The following ARRB1 variants were observed in gnomAD, a reference collection of about 807,000 sequenced individuals.
ARRB1 encodes the protein beta-arrestin-1.
A neutral mutation model predicts 56.8 loss-of-function variants in ARRB1; 21 were observed. The ratio of observed to expected loss-of-function variants is 0.37; its 90% CI spans 0.26 to 0.53. The LOEUF (loss-of-function observed/expected upper bound fraction) is 0.53, where lower values mean the gene tolerates loss of function less well. Ranked by LOEUF, ARRB1 falls within the 20% of genes least tolerant of loss-of-function variation. ARRB1 has a pLI of 0.88. For synonymous variants in ARRB1, 210 were observed against 218.6 expected, an observed-to-expected ratio of 0.96 and a Z score of 0.35; for missense variants, 424 against 553.7, an observed-to-expected ratio of 0.77 and a Z score of 2.35.
chr11:75,277,000 C>T (rs948528043), intron 9 of ARRB1, 89 bp from the exon 10 acceptor site: 66 of 1,373,756 alleles, frequency 4.8e-5, no homozygotes, highest in Non-Finnish European at 6.4e-5. Context: ...GGATATTCAG[C>T]CCCAGGCAAT....
chr11:75,333,692 G>A (rs1163987045), intron 1 of ARRB1, among the ~76,000 whole-genome samples: 1 of 152,084 alleles, frequency 6.6e-6, no homozygotes, highest in Admixed American at 6.6e-5. Flanking sequence ...CAAAACCAAG[G>A]TTCAGAAAGA....
At chr11:75,321,204 C>A (rs1947344409) in intron 1 of ARRB1, among the ~76,000 whole-genome samples, 1 of 152,126 alleles carries the variant, frequency 6.6e-6, no homozygotes, top group Admixed American at 6.5e-5. Context: ...TCTGGTATGA[C>A]CTCAGCACGT....
chr11:75,347,650 G>A (rs566960086), intron 1 of ARRB1, among the ~76,000 whole-genome samples: 9 of 152,154 alleles, frequency 5.9e-5, no homozygotes, highest in Non-Finnish European at 1.0e-4. Flanking sequence ...GGCTTTGTGG[G>A]TCAATAGGCC....
At chr11:75,327,560 G>A (rs1278397689) in intron 1 of ARRB1, among the ~76,000 whole-genome samples, 1 of 150,320 alleles carries the variant, frequency 6.7e-6, no homozygotes, top group Admixed American at 6.6e-5. Context: ...GAGCTCAGGA[G>A]TTTGTTTATT....
intron 1 of ARRB1, among the ~76,000 whole-genome samples, chr11:75,295,566 C>A (rs1946721437): frequency 6.6e-6 from 1 of 152,222 alleles, no homozygotes; most frequent in African/African-American, 2.4e-5. Flanking sequence ...CCAGAACAAT[C>A]TCCCTATTTT....
intron 13 of ARRB1, 43 bp from the exon 14 acceptor site, chr11:75,269,002 C>T: frequency 1.3e-6 from 2 of 1,591,596 alleles, no homozygotes; most frequent in Non-Finnish European, 1.7e-6. Flanking sequence ...AGCGGACTCA[C>T]AGGCTGTGAG....
rs534441244 is a variant in ARRB1 at position 75,266,377 on chromosome 11, C to A, written c.1146-103G>T. The A allele has an allele frequency of 3.4e-5, 31 of 907,984 alleles. No individual in the cohort carries two copies. The African/African-American group carries it at 4.9e-4, about 14-fold the overall frequency. 56.2% of individuals were successfully genotyped at this position (907,984 alleles called of 1,614,324 possible). A position where few individuals can be genotyped will look rare whatever the true frequency, so the allele number is the denominator to read the frequency against. Reference sequence around the variant, plus strand: ...GTGACTCAGAGTATGGCTCTGGGGCCGGGGAGAACCACCCTCTCTGAGGTC... The same window carrying A: ...GTGACTCAGAGTATGGCTCTGGGGCAGGGGAGAACCACCCTCTCTGAGGTC... On this transcript the variant is annotated intron_variant, in intron 15 of 15. Transcript: ENST00000420843.
At chr11:75,346,359 G>A (rs1319463039) in intron 1 of ARRB1, among the ~76,000 whole-genome samples, 1 of 152,132 alleles carries the variant, frequency 6.6e-6, no homozygotes, top group Non-Finnish European at 1.5e-5. Context: ...GAGAGCACAG[G>A]GCAGTGGTCT....
chr11:75,323,068 G>C (rs1416836266), intron 1 of ARRB1, among the ~76,000 whole-genome samples: 1 of 152,204 alleles, frequency 6.6e-6, no homozygotes, highest in Non-Finnish European at 1.5e-5. Context: ...AGCAATGAGA[G>C]AGAAAGAGAA....
chr11:75,332,849 C>T (rs913350019), intron 1 of ARRB1, among the ~76,000 whole-genome samples: 10 of 151,906 alleles, frequency 6.6e-5, no homozygotes, highest in Non-Finnish European at 1.5e-4. Flanking sequence ...AAGCTGAGAT[C>T]GCGCCACTGC....
Position 75,287,353 on chromosome 11 carries a change from C to G in ARRB1, c.74G>C (p.Arg25Pro). The change falls in exon 3 of 16, where the codon CGG (arginine) becomes CCG (proline). Residue 25 changes from arginine to proline, a missense_variant. Around this residue, in one of 3 missense-constraint regions of ARRB1, gnomAD observed 301 missense variants for 387.9 expected, o/e 0.78. Transcript: ENST00000420843. ...NGKLTVYLGK[R>P]DFVDHIDLVD... ...GAGGTCGATGTGGTCCACAAAGTCC[C>G]GCTTTCCCAGGTAGACGGTGAGCTG... is the stretch of plus-strand genomic sequence containing the variant. 6.4e-7 allele frequency: 1 copy of G among 1,561,134 alleles called. No individual in the cohort carries two copies. Among genetic ancestry groups the G allele is most frequent in the Non-Finnish European group, 8.7e-7 (1 of 1,152,058 alleles).
Position 75,281,059 on chromosome 11 carries a change from C to G in ARRB1, c.482+16G>C. On this transcript the variant is annotated intron_variant, in intron 7 of 15. Transcript: ENST00000420843. ...CCTCACCCAGCAGGCGGCCCACACC[C>G]TGGCATCCTACTCACCGCTTGTGGA... The G allele has an allele frequency of 1.9e-6, 3 of 1,596,432 alleles. No individual in the cohort carries two copies. Among genetic ancestry groups the G allele is most frequent in the Non-Finnish European group, 2.6e-6 (3 of 1,170,760 alleles).
At chr11:75,294,360 C>T (rs1946676651) in intron 1 of ARRB1, among the ~76,000 whole-genome samples, 1 of 152,006 alleles carries the variant, frequency 6.6e-6, no homozygotes, top group Admixed American at 6.6e-5. Flanking sequence ...AGTTCAAGAC[C>T]AGCCTGGTCA....
At chr11:75,288,152 C>T (rs1386605937) in intron 2 of ARRB1, among the ~76,000 whole-genome samples, 4 of 152,050 alleles carry the variant, frequency 2.6e-5, no homozygotes, top group South Asian at 4.2e-4. Flanking sequence ...CGTGAGCCAC[C>T]GTGCCCGGCC....
chr11:75,307,026 C>T (rs1417805400), intron 1 of ARRB1, among the ~76,000 whole-genome samples: 2 of 152,168 alleles, frequency 1.3e-5, no homozygotes, highest in African/African-American at 4.8e-5. Context: ...CAGCCAGGCA[C>T]CTCCTGTCCA....
rs895113247 is a variant in ARRB1 at position 75,300,776 on chromosome 11, C to G, written c.21-10737G>C. On this transcript the variant is annotated intron_variant, in intron 1 of 15. Transcript: ENST00000420843. ...GGTCAGGAGATCGAGACCATCCTGG[C>G]TAACACAGTGAAACCCCGTCTCTAC... Among the ~76,000 whole-genome samples the G allele has an allele frequency of 2.8e-4, 42 of 149,520 alleles. 1 individual carries two copies. The highest frequency in any genetic ancestry group is 1.3e-4 in the Admixed American group (2 of 15,122).
intron 6 of ARRB1, among the ~76,000 whole-genome samples, chr11:75,281,444 C>T (rs1946336722): frequency 6.6e-6 from 1 of 152,202 alleles, no homozygotes. Flanking sequence ...TAGCAACAGG[C>T]ACCTGAGCAG....
chr11:75,284,952 T>C (rs1946436636), intron 3 of ARRB1, among the ~76,000 whole-genome samples: 1 of 152,186 alleles, frequency 6.6e-6, no homozygotes, highest in Non-Finnish European at 1.5e-5. Context: ...ATGTTCCATA[T>C]ATTCTGTAAT....
chr11:75,346,538 C>T (rs774497024), intron 1 of ARRB1, among the ~76,000 whole-genome samples: 4 of 152,112 alleles, frequency 2.6e-5, no homozygotes, highest in Non-Finnish European at 5.9e-5. Flanking sequence ...AAAGCAGGGT[C>T]CCCTCCCACT....
Sources: allele counts gnomAD v4.1 joint callset (sites outside exome capture counted in the v4.1 genomes callset), GRCh38; gene constraint gnomAD v4.1.1; regional missense constraint gnomAD v4.1.1; transcripts MANE v1.5; gene names NCBI Gene and HGNC (gene_info 2026-07-23, HGNC 2026-07-21).